SMIM7: variants seen among roughly 807,000 people sequenced by gnomAD.
The protein encoded by SMIM7 is small integral membrane protein 7, also known as UPF0608 protein C19orf42.
A neutral mutation model predicts 13.3 loss-of-function variants in SMIM7; 12 were observed. The observed-to-expected ratio is 0.90, with a 90% confidence interval of 0.58 to 1.46. SMIM7 has a LOEUF of 1.46. SMIM7 is among the 40% of genes most tolerant of loss of function. The probability of loss-of-function intolerance (pLI) is 0.00; values close to 1 mark genes in which losing one functional copy is unlikely to be tolerated. For synonymous variants in SMIM7, 36 were observed against 35.8 expected (o/e 1.01, Z -0.02); for missense variants, 114 against 94.8 (o/e 1.20, Z -0.84).
intron 3 of SMIM7, chr19:16,655,512 C>A: frequency 2.3e-6 from 1 of 431,112 alleles, no homozygotes; most frequent in Non-Finnish European, 4.7e-6. Flanking sequence ...GAAACCACGT[C>A]TCTACTAAAA....
intron 4 of SMIM7, among the ~76,000 whole-genome samples, chr19:16,635,757 G>A (rs553146381): frequency 1.6e-3 from 239 of 151,598 alleles, no homozygotes; most frequent in African/African-American, 5.3e-3. Context: ...GGTGGCAGGC[G>A]CCTGTAATCC....
At chr19:16,631,301 G>C (rs1431359079) in exon 5 of SMIM7, 1 of 152,062 alleles carries the variant, frequency 6.6e-6, no homozygotes, top group African/African-American at 2.4e-5. Flanking sequence ...CAGGAGAATT[G>C]CATGAACCTG....
downstream of SMIM7, among the ~76,000 whole-genome samples, chr19:16,642,023 T>C (rs950013627): frequency 6.6e-6 from 1 of 152,176 alleles, no homozygotes; most frequent in African/African-American, 2.4e-5. Context: ...CAATGTGCAA[T>C]GGTGGAGGAA....
intron 3 of SMIM7, 101 bp downstream of exon 3, chr19:16,659,294 A>T: frequency 9.1e-7 from 1 of 1,097,104 alleles, no homozygotes; most frequent in Middle Eastern, 2.0e-4. Flanking sequence ...AAAAAAAAAA[A>T]AAAAAAAAAA....
intron 3 of SMIM7, chr19:16,655,459 T>C (rs1453710964): frequency 2.2e-6 from 1 of 453,022 alleles, no homozygotes; most frequent in Non-Finnish European, 4.4e-6. Context: ...GGCAGGCAGA[T>C]TACCTGAGGT....
rs1346551408 is a variant in SMIM7, at chr19:16,638,360, A to ATGG, written c.*138-6639_*138-6637dup. 4.7e-5 allele frequency among the ~76,000 whole-genome samples: 7 copies of ATGG among 148,772 alleles called. No homozygotes were observed. In the East Asian group the frequency reaches 1.0e-3, roughly 21 times the overall value. The stretch of plus-strand genomic sequence containing the variant: ...CTCTTGCTGCACAGGCTGGAGTGCA[A>ATGG]TGGCACGATCTCGGCTCACTGCAAC... On this transcript the variant is annotated intron_variant and NMD_transcript_variant, in intron 4 of 4. Transcript: ENST00000465250.
At chr19:16,633,583 T>C (rs2086337533) in intron 4 of SMIM7, among the ~76,000 whole-genome samples, 1 of 151,776 alleles carries the variant, frequency 6.6e-6, no homozygotes, top group Non-Finnish European at 1.5e-5. Context: ...AAAACCTGTA[T>C]TGAGCTGGGC....
chr19:16,652,795 TG>T, intron 4 of SMIM7: 1 of 1,527,094 alleles, frequency 6.5e-7, no homozygotes, highest in Non-Finnish European at 8.8e-7. Flanking sequence ...TCTCTCTTTC[TG>T]GGGGAAGCAT....
At chr19:16,655,673 TC>T (rs2086587906) in intron 3 of SMIM7, among the ~76,000 whole-genome samples, 1 of 85,696 alleles carries the variant, frequency 1.2e-5, no homozygotes, top group African/African-American at 5.4e-5. Flanking sequence ...ACAGCAAGAC[TC>T]CATCTCAAAA....
At chr19:16,636,460 C>T (rs2086362093) in intron 4 of SMIM7, 1 of 152,274 alleles carries the variant, frequency 6.6e-6, no homozygotes, top group African/African-American at 2.4e-5. Flanking sequence ...ACCTCTGCCT[C>T]CCGGGTTCAA....
intron 4 of SMIM7, among the ~76,000 whole-genome samples, chr19:16,632,619 C>CCT (rs1446625407): frequency 6.7e-6 from 1 of 150,272 alleles, no homozygotes; most frequent in African/African-American, 2.5e-5. Flanking sequence ...CTCACCTCTA[C>CCT]CTCTTGGGTT....
intron 3 of SMIM7, among the ~76,000 whole-genome samples, chr19:16,655,680 C>CAAAAAAAAAAAAAAAAAAAAAAA (rs869256040): frequency 2.6e-5 from 1 of 38,514 alleles, no homozygotes; most frequent in Non-Finnish European, 5.1e-5. Context: ...GACTCCATCT[C>CAAAAAAAAAAAAAAAAAAAAAAA]AAAAAAAAAA....
chr19:16,651,340 AAGTTCATTCACAAAAACAGGC>A (rs1313226069), intron 4 of SMIM7, among the ~76,000 whole-genome samples: 3 of 152,200 alleles, frequency 2.0e-5, no homozygotes, highest in Non-Finnish European at 4.4e-5. Flanking sequence ...AACTTTTGCG[AAGTTCATTCACAAAAACAGGC>A]AGTGGGGAGA....
chr19:16,653,880 G>A, intron 4 of SMIM7, 155 bp downstream of exon 4: 1 of 664,098 alleles, frequency 1.5e-6, no homozygotes, highest in East Asian at 2.8e-5. Flanking sequence ...AGGCGACAGA[G>A]CAAGATTCCA....
chr19:16,652,888 A>G, intron 4 of SMIM7: 1 of 1,550,552 alleles, frequency 6.4e-7, no homozygotes, highest in Non-Finnish European at 8.7e-7. Context: ...CAAATCTCAC[A>G]ATTCGTTAAC....
chr19:16,652,455 G>C (rs749875046), intron 4 of SMIM7: 6 of 793,506 alleles, frequency 7.6e-6, no homozygotes, highest in Non-Finnish European at 9.2e-6. Context: ...TCCCACCTTG[G>C]CCTCCCAAAG....
chr19:16,650,825 C>A lies in SMIM7; in HGVS notation c.212+3210G>T, dbSNP rs892146417. ...CCTCTCTACCCCATCTGGAGTGGATCCTTCCAACTCCCTGGCTAAACAGTG... is the reference window on the plus strand; with the variant it reads ...CCTCTCTACCCCATCTGGAGTGGATACTTCCAACTCCCTGGCTAAACAGTG... On this transcript the variant is annotated intron_variant, in intron 4 of 4. Coordinates refer to ENST00000487416, the MANE Select transcript of SMIM7 (RefSeq NM_024104.4). Among the ~76,000 whole-genome samples, 5 of 152,188 alleles carry A rather than the reference C, an allele frequency of 3.3e-5. No homozygotes were observed. The East Asian group carries it at 9.6e-4, about 29-fold the overall frequency.
At chr19:16,648,531 C>T (rs1204384362) in intron 4 of SMIM7, among the ~76,000 whole-genome samples, 2 of 152,082 alleles carry the variant, frequency 1.3e-5, no homozygotes, top group South Asian at 2.1e-4. Flanking sequence ...TTGCAAAATA[C>T]GCACGTGATA....
At chr19:16,659,725 G>T in intron 2 of SMIM7, 1 of 662,352 alleles carries the variant, frequency 1.5e-6, no homozygotes, top group Non-Finnish European at 2.6e-6. Flanking sequence ...TGGGGCTTAA[G>T]CTCTCCAGGA....
Sources: gnomAD v4.1 joint callset for allele counts (sites outside exome capture counted in the v4.1 genomes callset) on GRCh38, gnomAD v4.1.1 for gene constraint, MANE v1.5 for transcripts, NCBI Gene and HGNC (gene_info 2026-07-23, HGNC 2026-07-21) for gene names.